GNB1: variants seen among roughly 807,000 people sequenced by gnomAD.
The protein encoded by GNB1 is G protein subunit beta 1.
GNB1 carries 2 observed loss-of-function variants against 42.9 expected under a neutral mutation model. The observed-to-expected ratio is 0.05, with a 90% CI of 0.02 to 0.15. The LOEUF (loss-of-function observed/expected upper bound fraction) is 0.15, where lower values mean the gene tolerates loss of function less well. Ranked by LOEUF, GNB1 falls within the 10% of genes least tolerant of loss-of-function variation. The probability of loss-of-function intolerance (pLI) is 1.00; values close to 1 mark genes in which losing one functional copy is unlikely to be tolerated. For synonymous variants in GNB1, 183 were observed against 174.7 expected (o/e 1.05, Z -0.38); for missense variants, 193 against 462.2 (o/e 0.42, Z 5.34).
intron 3 of GNB1, among the ~76,000 whole-genome samples, chr1:1,823,378 G>T (rs1034967366): frequency 5.3e-5 from 8 of 151,528 alleles, no homozygotes; most frequent in African/African-American, 1.5e-4. Context: ...ACAACACTTT[G>T]CTTTTCTTTT....
At chr1:1,815,570 G>GT (rs1399267413) in intron 5 of GNB1, among the ~76,000 whole-genome samples, 186 bp downstream of exon 5, 6 of 152,216 alleles carry the variant, frequency 3.9e-5, no homozygotes, top group East Asian at 1.9e-4. Context: ...TTCAGCCCAG[G>GT]TAAGTGGAAA....
intron 5 of GNB1, among the ~76,000 whole-genome samples, chr1:1,812,068 A>AAAAAAAAAAAAC (rs1439722177): frequency 6.6e-5 from 10 of 151,988 alleles, no homozygotes; most frequent in African/African-American, 2.2e-4. Context: ...TCCGTCTCAA[A>AAAAAAAAAAAAC]AAAAAAAACC....
chr1:1,884,921 G>A (rs1031645162), intron 1 of GNB1, among the ~76,000 whole-genome samples: 6 of 151,524 alleles, frequency 4.0e-5, no homozygotes, highest in Non-Finnish European at 7.4e-5. Context: ...CTGACATCGT[G>A]ATCTGCCCGC....
At chr1:1,814,731 C>A (rs769678838) in intron 5 of GNB1, among the ~76,000 whole-genome samples, 1 of 142,750 alleles carries the variant, frequency 7.0e-6, no homozygotes, top group African/African-American at 2.7e-5. Context: ...GAGCCTAGGA[C>A]GTCGAGGCTG....
At chr1:1,851,978 G>C (rs1331244841) in intron 1 of GNB1, among the ~76,000 whole-genome samples, 1 of 151,948 alleles carries the variant, frequency 6.6e-6, no homozygotes, top group Non-Finnish European at 1.5e-5. Flanking sequence ...AGGAGGCAGA[G>C]ATTGCGGTGA....
chr1:1,867,983 C>T (rs903286194), intron 1 of GNB1, among the ~76,000 whole-genome samples: 25 of 152,078 alleles, frequency 1.6e-4, no homozygotes, highest in South Asian at 2.1e-4. Flanking sequence ...TACTAGGAAA[C>T]GTTCCCCCTT....
chr1:1,864,181 G>C (rs533969422), intron 1 of GNB1, among the ~76,000 whole-genome samples: 1 of 151,866 alleles, frequency 6.6e-6, no homozygotes, highest in African/African-American at 2.4e-5. Context: ...AAATTAGCCA[G>C]GCGTGGTGGC....
At chr1:1,816,742 G>A (rs991206488) in intron 4 of GNB1, among the ~76,000 whole-genome samples, 4 of 149,758 alleles carry the variant, frequency 2.7e-5, no homozygotes, top group Middle Eastern at 3.2e-3. Context: ...TCTGCCTCCC[G>A]GGTCCAAGCA....
intron 8 of GNB1, among the ~76,000 whole-genome samples, chr1:1,792,479 C>T (rs1228375320): frequency 1.3e-5 from 2 of 151,944 alleles, no homozygotes; most frequent in Non-Finnish European, 2.9e-5. Flanking sequence ...AGGCAGATCA[C>T]GAGGTCAACG....
intron 1 of GNB1, among the ~76,000 whole-genome samples, chr1:1,886,984 A>G (rs1650192897): frequency 6.6e-6 from 1 of 152,204 alleles, no homozygotes; most frequent in Non-Finnish European, 1.5e-5. Context: ...AAGTGCTGGG[A>G]TTACAGGTGT....
intron 1 of GNB1, among the ~76,000 whole-genome samples, chr1:1,873,233 G>A (rs745570557): frequency 6.6e-6 from 1 of 152,208 alleles, no homozygotes; most frequent in Non-Finnish European, 1.5e-5. Context: ...ATAAGCAAGG[G>A]AATGCAACAG....
intron 1 of GNB1, among the ~76,000 whole-genome samples, chr1:1,849,449 C>G (rs1309483308): frequency 6.6e-6 from 1 of 152,170 alleles, no homozygotes; most frequent in Non-Finnish European, 1.5e-5. Context: ...TTCTATCACC[C>G]AGGCTACAGT....
intron 2 of GNB1, among the ~76,000 whole-genome samples, chr1:1,831,953 T>C (rs768953658): frequency 4.0e-5 from 6 of 150,952 alleles, no homozygotes; most frequent in Non-Finnish European, 8.9e-5. Context: ...TCCCAGCTAC[T>C]TGGGAGGCTG....
chr1:1,815,135 A>G (rs1448707821), intron 5 of GNB1, among the ~76,000 whole-genome samples: 1 of 151,906 alleles, frequency 6.6e-6, no homozygotes, highest in Non-Finnish European at 1.5e-5. Flanking sequence ...AAAAAGAGAA[A>G]AGAAAAGAAC....
chr1:1,878,647 A>G (rs1415571336), intron 1 of GNB1, among the ~76,000 whole-genome samples: 4 of 152,158 alleles, frequency 2.6e-5, no homozygotes, highest in Non-Finnish European at 5.9e-5. Flanking sequence ...TCCTCTCACC[A>G]AGGCAAGTTG....
intron 7 of GNB1, 135 bp downstream of exon 7, chr1:1,804,284 G>A: frequency 1.6e-6 from 1 of 617,660 alleles, no homozygotes; most frequent in Non-Finnish European, 2.7e-6. Context: ...GGGTGACAGA[G>A]CGAGACTCCG....
intron 1 of GNB1, among the ~76,000 whole-genome samples, chr1:1,887,501 G>A (rs1650221721): frequency 6.6e-6 from 1 of 152,190 alleles, no homozygotes; most frequent in Non-Finnish European, 1.5e-5. Flanking sequence ...ACTTTTGCAG[G>A]ATAGTACAAC....
chr1:1,889,400 C>T (rs902171090), intron 1 of GNB1, among the ~76,000 whole-genome samples: 7 of 152,192 alleles, frequency 4.6e-5, no homozygotes, highest in Non-Finnish European at 8.8e-5. Context: ...ACTATTTACC[C>T]ATAAGTCCAG....
chr1:1,872,009 T>C (rs1649276305), intron 1 of GNB1, among the ~76,000 whole-genome samples: 1 of 151,940 alleles, frequency 6.6e-6, no homozygotes, highest in Non-Finnish European at 1.5e-5. Flanking sequence ...TTTTCTTTTT[T>C]TTTTTTTCTT....
Sources: allele counts gnomAD v4.1 joint callset (sites outside exome capture counted in the v4.1 genomes callset), GRCh38; gene constraint gnomAD v4.1.1; transcripts MANE v1.5; gene names NCBI Gene and HGNC (gene_info 2026-07-23, HGNC 2026-07-21).